Variants in SYCP2 observed in about 807,000 individuals in gnomAD.
The protein encoded by SYCP2 is synaptonemal complex lateral element protein.
SYCP2 carries 55 observed loss-of-function variants against 211.3 expected under a neutral mutation model. The ratio of observed to expected loss-of-function variants is 0.26; its 90% CI spans 0.21 to 0.33. SYCP2 has a LOEUF of 0.33. Among genes scored for constraint, SYCP2 ranks in the 10% least tolerant of loss-of-function variants. The pLI is 1.00. For synonymous variants in SYCP2, 570 were observed against 555.2 expected, an observed-to-expected ratio of 1.03 and a Z score of -0.37; for missense variants, 1,731 against 1,752.0, an observed-to-expected ratio of 0.99 and a Z score of 0.21.
chr20:59,929,504 T>G (rs148539873), intron 2 of SYCP2, among the ~76,000 whole-genome samples: 107 of 152,218 alleles, frequency 7.0e-4, no homozygotes, highest in African/African-American at 2.5e-3. Context: ...TGTCAGTGTG[T>G]TGGGTGAGGA....
intron 15 of SYCP2, among the ~76,000 whole-genome samples, chr20:59,906,722 T>C (rs2060220570): frequency 6.6e-6 from 1 of 151,934 alleles, no homozygotes; most frequent in Non-Finnish European, 1.5e-5. Context: ...CCAGATATCA[T>C]TAAGAAAATG....
At chr20:59,932,973 T>G (rs2060795459) in intron 1 of SYCP2, among the ~76,000 whole-genome samples, 1 of 151,610 alleles carries the variant, frequency 6.6e-6, no homozygotes, top group Non-Finnish European at 1.5e-5. Context: ...GAAGGCGAAG[T>G]CCCTGCTCCC....
intron 14 of SYCP2, among the ~76,000 whole-genome samples, chr20:59,908,305 T>G (rs768162712): frequency 6.6e-6 from 1 of 152,178 alleles, no homozygotes; most frequent in Admixed American, 6.5e-5. Flanking sequence ...ACTTTTGTTA[T>G]TTAAGGACAA....
rs774324923 is a variant in SYCP2, at chr20:59,920,407, C to G, written c.249G>C (p.Leu83Phe). ...VGRCGKNISV[L>F]GQAGLLTMIK... The stretch of plus-strand genomic sequence containing the variant: ...TCATCGTTAGAAGTCCAGCTTGCCC[C>G]AATACACTGATATTTTTGCCACATC... The change falls in exon 5 of 45, where the codon TTG (leucine) becomes TTC (phenylalanine). Residue 83 changes from leucine (L) to phenylalanine (F), a missense_variant. This residue lies in a region of SYCP2 where 335 missense variants were observed against 378.8 expected (regional missense o/e 0.88). Coordinates refer to ENST00000357552, the MANE Select transcript of SYCP2 (RefSeq NM_014258.4). The G allele has an allele frequency of 5.0e-6, 8 of 1,610,016 alleles. No homozygotes were observed. Among genetic ancestry groups the G allele is most frequent in the Non-Finnish European group, 6.8e-6 (8 of 1,177,434 alleles).
Position 59,886,776 on chromosome 20 carries a change from A to T in SYCP2, c.2423T>A (p.Ile808Asn), listed in dbSNP as rs1206392287. The change falls in exon 25 of 45, where the codon ATC (isoleucine) becomes AAC (asparagine). Residue 808 changes from isoleucine to asparagine, a missense_variant. Around this residue, in one of 3 missense-constraint regions of SYCP2, gnomAD observed 1,387 missense variants for 1,351.3 expected, o/e 1.03. Coordinates refer to ENST00000357552, the MANE Select transcript of SYCP2 (RefSeq NM_014258.4). ...ATCTTTTGTTTTGTATCTTTTATTG[A>T]TTTGGCTTATCAAGGATTCTGCTAC... is the stretch of plus-strand genomic sequence containing the variant. Reference protein sequence around the residue: ...TNVAESLISQINKRYKTKDDI... With the variant: ...TNVAESLISQNNKRYKTKDDI... 13 of 1,591,080 alleles carry T rather than the reference A, an allele frequency of 8.2e-6. No homozygotes were observed. The highest frequency in any genetic ancestry group is 2.7e-5 in the African/African-American group (2 of 73,626).
intron 17 of SYCP2, 45 bp from the exon 18 acceptor site, chr20:59,900,329 C>T (rs771244059): frequency 6.7e-7 from 1 of 1,491,170 alleles, no homozygotes; most frequent in African/African-American, 1.4e-5. Flanking sequence ...CTGCAAACCA[C>T]AGAAAGTAAT....
chr20:59,925,406 AAAAG>A (rs1330929057), intron 2 of SYCP2, among the ~76,000 whole-genome samples: 1 of 152,106 alleles, frequency 6.6e-6, no homozygotes, highest in Non-Finnish European at 1.5e-5. Context: ...AGGATTTAAC[AAAAG>A]AAAGAACTCT....
chr20:59,882,112 A>C lies in SYCP2; in HGVS notation c.2583T>G (p.Val861=). 6.2e-7 allele frequency: 1 copy of C among 1,613,066 alleles called. No individual in the cohort carries two copies. The highest frequency in any genetic ancestry group is 8.5e-7 in the Non-Finnish European group (1 of 1,179,418). The part of the protein sequence containing the change: ...YRKLKTTFVN[V]TSECPVNDVY... The stretch of plus-strand genomic sequence containing the variant: ...ATACTTACACTGGGCATTCAGAAGT[A>C]ACATTAACAAAGGTAGTCTTCAGTT... The change falls in exon 27 of 45, where the codon GTT becomes GTG. Residue 861 remains valine, a synonymous_variant. Transcript: ENST00000357552.
At chr20:59,886,325 G>T (rs1182224040) in intron 25 of SYCP2, among the ~76,000 whole-genome samples, 1 of 151,928 alleles carries the variant, frequency 6.6e-6, no homozygotes, top group Non-Finnish European at 1.5e-5. Context: ...AGACTGCAAA[G>T]AATGTACTAT....
rs2059927755 is a variant in SYCP2, at chr20:59,892,578, T to G, written c.1917A>C (p.Thr639=). ...AAAACTAAGTTTCACCTTGATTCAA[T>G]GTGTCTCCTGACGAAGTACTTGCTC... ...NQRASTSSGD[T]LNQDIVINKK... The change falls in exon 23 of 45, where the codon ACA becomes ACC. Residue 639 remains threonine, a synonymous_variant. Transcript: ENST00000357552. The G allele has an allele frequency of 6.2e-7, 1 of 1,604,600 alleles. No homozygotes were observed. Among genetic ancestry groups the G allele is most frequent in the African/African-American group, 1.3e-5 (1 of 74,536 alleles).
chr20:59,920,782 TTAAC>T (rs757718661), intron 4 of SYCP2, among the ~76,000 whole-genome samples: 3 of 151,750 alleles, frequency 2.0e-5, no homozygotes, highest in Non-Finnish European at 3.0e-5. Flanking sequence ...CTCCATGTAT[TTAAC>T]TAACAGAAAC....
At chr20:59,887,166 G>A (rs113823214) in intron 24 of SYCP2, among the ~76,000 whole-genome samples, 1 of 143,528 alleles carries the variant, frequency 7.0e-6, no homozygotes, top group Non-Finnish European at 1.5e-5. Flanking sequence ...CCTACCCCAC[G>A]ACAGGCCCCA....
chr20:59,874,074 A>C lies in SYCP2; in HGVS notation c.3350-13T>G. 1 of 1,463,088 alleles carries C rather than the reference A, an allele frequency of 6.8e-7. No individual in the cohort carries two copies. Among genetic ancestry groups the C allele is most frequent in the South Asian group, 1.3e-5 (1 of 75,594 alleles). 90.6% of individuals were successfully genotyped at this position (1,463,088 alleles called of 1,614,324 possible). On this transcript the variant is annotated splice_polypyrimidine_tract_variant and intron_variant, in intron 34 of 44. Transcript: ENST00000357552. ...ATTTTCTCTATACCTATATTGCATC[A>C]AAATAAAAAAGAAAATAGATGGCAA...
At chr20:59,881,323 A>G in intron 29 of SYCP2, 114 bp downstream of exon 29, 1 of 649,206 alleles carries the variant, frequency 1.5e-6, no homozygotes, top group Non-Finnish European at 2.6e-6. Context: ...TGAGAGTAAT[A>G]ATGACTAGCA....
intron 31 of SYCP2, among the ~76,000 whole-genome samples, chr20:59,879,489 A>T (rs188978593): frequency 6.8e-4 from 104 of 152,084 alleles, no homozygotes; most frequent in Admixed American, 1.6e-3. Context: ...ATTTAGTTGA[A>T]AAGCACAGAG....
At chr20:59,887,226 C>T (rs1188498367) in intron 24 of SYCP2, among the ~76,000 whole-genome samples, 1 of 151,972 alleles carries the variant, frequency 6.6e-6, no homozygotes. Flanking sequence ...CGTTCAATTC[C>T]CACCTACAAG....
chr20:59,913,698 C>T (rs1379866819), intron 12 of SYCP2, among the ~76,000 whole-genome samples: 6 of 152,022 alleles, frequency 3.9e-5, no homozygotes, highest in African/African-American at 9.7e-5. Flanking sequence ...CAATTTTGAA[C>T]ATCTAAAGTT....
chr20:59,927,563 G>C (rs755084817), intron 2 of SYCP2, among the ~76,000 whole-genome samples: 1 of 152,038 alleles, frequency 6.6e-6, no homozygotes, highest in Non-Finnish European at 1.5e-5. Flanking sequence ...CCCAAAAGAA[G>C]GTAATGGCCT....
At chr20:59,871,339 G>C (rs2145613832) in intron 35 of SYCP2, among the ~76,000 whole-genome samples, 1 of 151,744 alleles carries the variant, frequency 6.6e-6, no homozygotes, top group East Asian at 1.9e-4. Flanking sequence ...AGTTAAAACT[G>C]TAGAGAAATG....
Sources: gnomAD v4.1 joint callset for allele counts (sites outside exome capture counted in the v4.1 genomes callset) on GRCh38, gnomAD v4.1.1 for gene constraint, gnomAD v4.1.1 regional missense constraint, MANE v1.5 for transcripts, NCBI Gene and HGNC (gene_info 2026-07-23, HGNC 2026-07-21) for gene names.